Variants in DCAF5 observed in about 807,000 individuals in gnomAD.
DCAF5 encodes the protein DDB1 and CUL4 associated factor 5.
DCAF5 carries 9 observed loss-of-function variants against 80.7 expected under a neutral mutation model. That is an observed-to-expected ratio of 0.11 (90% confidence interval 0.07 to 0.19). DCAF5 has a LOEUF of 0.19. DCAF5 is among the 10% of genes least tolerant of loss of function. The probability of loss-of-function intolerance (pLI) is 1.00; values close to 1 mark genes in which losing one functional copy is unlikely to be tolerated. For missense variants in DCAF5, 842 were observed against 1,205.7 expected (o/e 0.70, Z 4.47); for synonymous variants, 433 against 461.9 (o/e 0.94, Z 0.80).
chr14:69,090,985 C>T (rs928039618), intron 6 of DCAF5: 1 of 679,430 alleles, frequency 1.5e-6, no homozygotes, highest in Non-Finnish European at 2.7e-6. Context: ...CCAGATTAGC[C>T]CAACTGGTCA....
chr14:69,117,434 G>A (rs1388405551), intron 4 of DCAF5, among the ~76,000 whole-genome samples: 1 of 152,168 alleles, frequency 6.6e-6, no homozygotes. Context: ...GACAGAGCAG[G>A]CAGGATAGTA....
rs2040753168 is a variant in DCAF5, at chr14:69,122,509, CCT to C, written c.215-151_215-150del. On this transcript the variant is annotated intron_variant, in intron 1 of 8. Transcript: ENST00000341516. Reference sequence around the variant, plus strand: ...TGGAGCACAAAAACCCAGGACTCTCCCTGCTTCACCATCAATAGGCACGTGTT... The same window carrying C: ...TGGAGCACAAAAACCCAGGACTCTCCGCTTCACCATCAATAGGCACGTGTT... The C allele has an allele frequency of 1.7e-5, 12 of 695,356 alleles. No individual in the cohort carries two copies. The South Asian group carries it at 2.7e-4, about 16-fold the overall frequency. The allele number at this position is 695,356 out of a possible 1,614,324, so 43.1% of individuals were successfully genotyped here.
chr14:69,118,413 T>A lies in DCAF5; in HGVS notation c.396-135A>T. ...CAACCTAGCTAAACCCAAAAAATAT[T>A]ATATTTCCTGAAAGGTAGGTAGTCA... On this transcript the variant is annotated intron_variant, in intron 3 of 8. Coordinates refer to ENST00000341516, the MANE Select transcript of DCAF5 (RefSeq NM_003861.3). This position sits in a 1 kb window ranked among gnomAD's most constrained non-coding sequence, Gnocchi z 4.0. 2 of 842,120 alleles carry A rather than the reference T, an allele frequency of 2.4e-6. No homozygotes were observed. The highest frequency in any genetic ancestry group is 2.7e-5 in the East Asian group (1 of 37,348). 52.2% of individuals were successfully genotyped at this position (842,120 alleles called of 1,614,324 possible).
At chr14:69,136,420 A>G (rs772016964) in intron 1 of DCAF5, among the ~76,000 whole-genome samples, 10 of 151,978 alleles carry the variant, frequency 6.6e-5, no homozygotes, top group Non-Finnish European at 8.8e-5. Flanking sequence ...CCAGCCTATA[A>G]TTTTCTTTAT....
rs1362435588 is a variant in DCAF5, at chr14:69,153,059, CT to C, written c.-82del. 4 of 1,135,246 alleles carry C rather than the reference CT, an allele frequency of 3.5e-6. No individual in the cohort carries two copies. The highest frequency in any genetic ancestry group is 3.1e-4 in the Middle Eastern group (1 of 3,270). 70.3% of individuals were successfully genotyped at this position (1,135,246 alleles called of 1,614,324 possible). A position where few individuals can be genotyped will look rare whatever the true frequency, so the allele number is the denominator to read the frequency against. On this transcript the variant is annotated 5_prime_UTR_variant, in exon 1 of 9. Coordinates refer to ENST00000341516, the MANE Select transcript of DCAF5 (RefSeq NM_003861.3). ...CGGCCGCTGCTCCCCCCACCCGGCC[CT>C]CCCCCCGCGCTGCGATCCGGATGGT...
In DCAF5 at chr14:69,053,860, T is replaced by C; in HGVS notation, c.2826A>G (p.Thr942=). 1 of 1,595,108 alleles carries C rather than the reference T, an allele frequency of 6.3e-7. No homozygotes were observed. Among genetic ancestry groups the C allele is most frequent in the Non-Finnish European group, 8.5e-7 (1 of 1,175,660 alleles). The change falls in exon 9 of 9, where the codon ACA becomes ACG. Residue 942 remains threonine (T), a synonymous_variant. Transcript: ENST00000341516. ...ENSSSEKKLK[T] ...TTTTGTTTTCCCTTTGTATTTATCA[T>C]GTTTTTAATTTCTTCTCTGAGGAGG...
At chr14:69,072,914 C>T (rs1034540227) in intron 7 of DCAF5, among the ~76,000 whole-genome samples, 5 of 152,106 alleles carry the variant, frequency 3.3e-5, no homozygotes, top group African/African-American at 4.8e-5. Context: ...AGCCCAAGTA[C>T]CAAGTAAAGG....
At position 69,054,559 on chromosome 14, in the gene DCAF5, T is replaced by C. The variant is rs1174801021; in HGVS notation, c.2127A>G (p.Glu709=). 1.9e-6 allele frequency: 3 copies of C among 1,614,220 alleles called. No individual in the cohort carries two copies. The highest frequency in any genetic ancestry group is 3.3e-5 in the Admixed American group (2 of 60,032). Residue 709 remains glutamate, a synonymous_variant, in exon 9 of 9, where the codon GAA becomes GAG. Coordinates refer to ENST00000341516, the MANE Select transcript of DCAF5 (RefSeq NM_003861.3). ...KDNPAPSSSK[E]ACLNIAMAQR... Reference sequence around the variant, plus strand: ...GGGCCATTGCTATGTTTAGACAGGCTTCCTTACTGGAAGAAGGGGCTGGGT... The same window carrying C: ...GGGCCATTGCTATGTTTAGACAGGCCTCCTTACTGGAAGAAGGGGCTGGGT...
intron 1 of DCAF5, among the ~76,000 whole-genome samples, chr14:69,130,120 A>C (rs1276424249): frequency 6.6e-6 from 1 of 152,210 alleles, no homozygotes; most frequent in African/African-American, 2.4e-5. Context: ...GTAATTATTT[A>C]ACATTCTTCT....
chr14:69,083,772 T>C (rs1301186517), intron 6 of DCAF5: 5 of 682,464 alleles, frequency 7.3e-6, no homozygotes, highest in South Asian at 1.7e-5. Context: ...AAGCAAAAAC[T>C]GAAAACAAAG....
At chr14:69,077,889 A>G (rs572257964) in intron 6 of DCAF5, among the ~76,000 whole-genome samples, 1 of 152,330 alleles carries the variant, frequency 6.6e-6, no homozygotes, top group East Asian at 1.9e-4. Flanking sequence ...AGAAAATGCT[A>G]TCTATAGGGA....
chr14:69,074,783 C>T (rs1252074498), intron 7 of DCAF5, among the ~76,000 whole-genome samples: 2 of 152,052 alleles, frequency 1.3e-5, no homozygotes, highest in Non-Finnish European at 2.9e-5. Flanking sequence ...CCTGTAATGC[C>T]AGCACTTTGG....
At chr14:69,113,582 C>G (rs558965996) in intron 5 of DCAF5, among the ~76,000 whole-genome samples, 3 of 152,300 alleles carry the variant, frequency 2.0e-5, no homozygotes, top group South Asian at 4.1e-4. Context: ...GTCCTCCCAA[C>G]AGATTTAGAG....
At position 69,089,937 on chromosome 14, in the gene DCAF5, T is replaced by C. The variant is rs118141293; in HGVS notation, c.879+1737A>G. Reference sequence around the variant, plus strand: ...ATGATAAGGATGGGAAACCATGGTCTAGGTGCTTACATGTTGGCTAGAGGT... The same window carrying C: ...ATGATAAGGATGGGAAACCATGGTCCAGGTGCTTACATGTTGGCTAGAGGT... On this transcript the variant is annotated intron_variant, in intron 6 of 8. Coordinates refer to ENST00000341516, the MANE Select transcript of DCAF5 (RefSeq NM_003861.3). 9.3e-5 allele frequency: 92 copies of C among 985,430 alleles called. No homozygotes were observed. In the East Asian group the frequency reaches 9.4e-3, roughly 101 times the overall value. 61.0% of individuals were successfully genotyped at this position (985,430 alleles called of 1,614,324 possible).
intron 1 of DCAF5, among the ~76,000 whole-genome samples, chr14:69,140,896 C>A (rs1383663414): frequency 6.6e-6 from 1 of 152,014 alleles, no homozygotes; most frequent in East Asian, 1.9e-4. Context: ...GCGGGCAGAT[C>A]ACCCCCGCCT....
intron 1 of DCAF5, among the ~76,000 whole-genome samples, chr14:69,139,795 C>T (rs2041306514): frequency 7.0e-6 from 1 of 142,346 alleles, no homozygotes; most frequent in Non-Finnish European, 1.5e-5. Flanking sequence ...AGCCTGTTAG[C>T]ACCACTGACA....
At chr14:69,099,914 G>T (rs929151879) in intron 5 of DCAF5, among the ~76,000 whole-genome samples, 2 of 151,018 alleles carry the variant, frequency 1.3e-5, no homozygotes, top group Non-Finnish European at 3.0e-5. Context: ...CTGTCTCAAA[G>T]AATAAAATAA....
At chr14:69,091,151 G>A in intron 6 of DCAF5, 1 of 742,506 alleles carries the variant, frequency 1.3e-6, no homozygotes, top group Non-Finnish European at 2.5e-6. Flanking sequence ...ATTTCCAGTT[G>A]TGATGCTGGC....
chr14:69,055,613 T>C lies in DCAF5; in HGVS notation c.1075-2A>G. 6.3e-7 allele frequency: 1 copy of C among 1,585,458 alleles called. No homozygotes were observed. The highest frequency in any genetic ancestry group is 8.6e-7 in the Non-Finnish European group (1 of 1,160,188). ...TGGCTGCTTGTATGGGCTCCAGATC[T>C]GAACAGAAAATGAAAAACAAAAGCA... On this transcript the variant is annotated splice_acceptor_variant, in intron 8 of 8. Coordinates refer to ENST00000341516, the MANE Select transcript of DCAF5 (RefSeq NM_003861.3). LOFTEE classifies it high-confidence loss of function. This position sits in a 1 kb window ranked among gnomAD's most constrained non-coding sequence, Gnocchi z 5.6.
Sources: allele counts gnomAD v4.1 joint callset (sites outside exome capture counted in the v4.1 genomes callset), GRCh38; gene constraint gnomAD v4.1.1; non-coding constraint Gnocchi (gnomAD v3.1); transcripts MANE v1.5; gene names NCBI Gene and HGNC (gene_info 2026-07-23, HGNC 2026-07-21).